The following TBC1D21 variants were observed in gnomAD, a reference collection of about 807,000 sequenced individuals.
TBC1D21 encodes male germ cell Rab GTPase-activating protein.
In TBC1D21, 38 loss-of-function variants were observed where a neutral mutation model predicts 46.0. The ratio of observed to expected loss-of-function variants is 0.83; its 90% CI spans 0.64 to 1.08. The LOEUF (loss-of-function observed/expected upper bound fraction) is 1.08. TBC1D21 is among the 50% of genes least tolerant of loss of function. TBC1D21 has a pLI of 0.00. For missense variants in TBC1D21, 415 were observed against 417.9 expected (o/e 0.99, Z 0.06); for synonymous variants, 151 against 157.2 (o/e 0.96, Z 0.29).
At chr15:73,886,313 A>T in intron 7 of TBC1D21, 139 bp downstream of exon 7, 1 of 888,514 alleles carries the variant, frequency 1.1e-6, no homozygotes, top group Non-Finnish European at 1.8e-6. Context: ...CCCTGGGAAG[A>T]GGGTTATCTG....
At chr15:73,875,547 G>A (rs914379672) in intron 1 of TBC1D21, among the ~76,000 whole-genome samples, 2 of 152,188 alleles carry the variant, frequency 1.3e-5, no homozygotes, top group Non-Finnish European at 2.9e-5. Context: ...TGAAGCCAAG[G>A]CCTCTAGCAG....
chr15:73,902,004 G>C, the TBC1D21 span, among the ~76,000 whole-genome samples: 1 of 151,956 alleles, frequency 6.6e-6, no homozygotes, highest in Non-Finnish European at 1.5e-5. Flanking sequence ...TGTAGAGATG[G>C]GGACTCACTT....
chr15:73,888,567 C>G, intron 10 of TBC1D21, 54 bp downstream of exon 10: 1 of 987,112 alleles, frequency 1.0e-6, no homozygotes, highest in Non-Finnish European at 1.4e-6. Flanking sequence ...CCTCCTCTTC[C>G]TCCTCCTCCT....
chr15:73,885,914 T>A (rs1269030852), intron 6 of TBC1D21, among the ~76,000 whole-genome samples, 164 bp from the exon 7 acceptor site: 1 of 151,738 alleles, frequency 6.6e-6, no homozygotes, highest in East Asian at 1.9e-4. Flanking sequence ...CATAGATATG[T>A]ATGCACACAC....
At chr15:73,894,552 G>C in the TBC1D21 span, among the ~76,000 whole-genome samples, 1 of 152,166 alleles carries the variant, frequency 6.6e-6, no homozygotes, top group Non-Finnish European at 1.5e-5. Flanking sequence ...GGGGTCTGGG[G>C]TTGCAGGAAG....
At chr15:73,876,806 TG>T (rs2068076278) in intron 1 of TBC1D21, among the ~76,000 whole-genome samples, 1 of 152,246 alleles carries the variant, frequency 6.6e-6, no homozygotes, top group Admixed American at 6.5e-5. Context: ...TTTTAATCAT[TG>T]TAGGGCATTT....
the TBC1D21 span, among the ~76,000 whole-genome samples, chr15:73,895,678 T>C: frequency 6.6e-6 from 1 of 152,174 alleles, no homozygotes; most frequent in African/African-American, 2.4e-5. Context: ...CCCAGATTAA[T>C]GGCCTCAATC....
chr15:73,890,002 C>T (rs1009654765), downstream of TBC1D21, among the ~76,000 whole-genome samples: 1 of 152,190 alleles, frequency 6.6e-6, no homozygotes, highest in Non-Finnish European at 1.5e-5. Context: ...CAGCAACACA[C>T]ATACATACAC....
chr15:73,896,887 A>G, the TBC1D21 span, among the ~76,000 whole-genome samples: 1 of 152,222 alleles, frequency 6.6e-6, no homozygotes, highest in Non-Finnish European at 1.5e-5. Flanking sequence ...TGCATGCCCC[A>G]TGGCTGACTA....
At chr15:73,876,928 T>G (rs1162042959) in intron 1 of TBC1D21, among the ~76,000 whole-genome samples, 3 of 152,162 alleles carry the variant, frequency 2.0e-5, no homozygotes, top group Non-Finnish European at 4.4e-5. Context: ...ACCCCCAGCA[T>G]GGCATTAGGG....
At chr15:73,907,858 A>G in the TBC1D21 span, among the ~76,000 whole-genome samples, 2 of 152,100 alleles carry the variant, frequency 1.3e-5, no homozygotes, top group African/African-American at 4.8e-5. Context: ...GTACAATGGG[A>G]CTACTATTGC....
chr15:73,892,671 C>T (rs781130029), downstream of TBC1D21, among the ~76,000 whole-genome samples: 1 of 152,254 alleles, frequency 6.6e-6, no homozygotes, highest in African/African-American at 2.4e-5. Flanking sequence ...TTCACACACA[C>T]TTCAACACTC....
chr15:73,875,707 G>T (rs1271404520), intron 1 of TBC1D21, among the ~76,000 whole-genome samples: 1 of 152,142 alleles, frequency 6.6e-6, no homozygotes, highest in East Asian at 1.9e-4. Context: ...TTCCATAGCT[G>T]CTCTATCTAG....
chr15:73,890,827 A>T (rs949396100), downstream of TBC1D21, among the ~76,000 whole-genome samples: 6 of 152,134 alleles, frequency 3.9e-5, no homozygotes, highest in Non-Finnish European at 8.8e-5. Flanking sequence ...AGCCCAGCGG[A>T]TGAAGTTTGG....
At chr15:73,898,081 C>T in the TBC1D21 span, among the ~76,000 whole-genome samples, 1 of 152,192 alleles carries the variant, frequency 6.6e-6, no homozygotes, top group East Asian at 1.9e-4. Flanking sequence ...GTCATCTCCC[C>T]GAATGGTAAT....
chr15:73,901,704 C>T, the TBC1D21 span, among the ~76,000 whole-genome samples: 1 of 152,174 alleles, frequency 6.6e-6, no homozygotes, highest in Non-Finnish European at 1.5e-5. Context: ...GGGCTAGTGG[C>T]CGCTTTCTCA....
intron 1 of TBC1D21, among the ~76,000 whole-genome samples, chr15:73,874,351 G>C (rs909175350): frequency 3.9e-5 from 6 of 152,182 alleles, no homozygotes; most frequent in African/African-American, 1.4e-4. Flanking sequence ...ATTATCACCA[G>C]GCCTTGCTTT....
the TBC1D21 span, among the ~76,000 whole-genome samples, chr15:73,898,902 T>TACAC: frequency 2.4e-4 from 27 of 112,850 alleles, no homozygotes; most frequent in Middle Eastern, 5.0e-3. Flanking sequence ...TATATATATA[T>TACAC]ACACACACAC....
the TBC1D21 span, among the ~76,000 whole-genome samples, chr15:73,900,314 G>A: frequency 4.6e-5 from 7 of 152,222 alleles, no homozygotes; most frequent in Non-Finnish European, 8.8e-5. Flanking sequence ...TGCCCGGCGC[G>A]GGCTGGGTTT....
Sources: gnomAD v4.1 joint callset for allele counts (sites outside exome capture counted in the v4.1 genomes callset) on GRCh38, gnomAD v4.1.1 for gene constraint, MANE v1.5 for transcripts, NCBI Gene and HGNC (gene_info 2026-07-23, HGNC 2026-07-21) for gene names.